DHRSX: variants seen among roughly 807,000 people sequenced by gnomAD.
DHRSX encodes polyprenol dehydrogenase.
In DHRSX, 31 loss-of-function variants were observed where a neutral mutation model predicts 34.0. The observed-to-expected ratio is 0.91, with a 90% confidence interval of 0.69 to 1.23. The LOEUF is 1.23. Among genes scored for constraint, DHRSX ranks in the 50% most tolerant of loss-of-function variants. DHRSX has a pLI of 0.00. For synonymous variants in DHRSX, 201 were observed against 183.8 expected, an observed-to-expected ratio of 1.09 and a Z score of -0.76; for missense variants, 414 against 428.1, an observed-to-expected ratio of 0.97 and a Z score of 0.29.
At chrX:2,291,013 G>C (rs2041858793) in intron 4 of DHRSX, among the ~76,000 whole-genome samples, 1 of 152,180 alleles carries the variant, frequency 6.6e-6, no homozygotes, top group Non-Finnish European at 1.5e-5. Flanking sequence ...AAGGGCTCAA[G>C]GTCAAGGGTA....
At chrX:2,371,547 C>T (rs2043068359) in intron 3 of DHRSX, among the ~76,000 whole-genome samples, 2 of 83,104 alleles carry the variant, frequency 2.4e-5, no homozygotes, top group Admixed American at 2.7e-4. Flanking sequence ...GTCCGTCCTT[C>T]TGTTACCATA....
intron 2 of DHRSX, among the ~76,000 whole-genome samples, chrX:2,419,094 A>C (rs186205532): frequency 6.6e-6 from 1 of 152,298 alleles, no homozygotes; most frequent in East Asian, 1.9e-4. Flanking sequence ...GAGGGGGCGC[A>C]ATAAACTGAA....
At chrX:2,380,300 CAAAAAA>C (rs60910908) in intron 3 of DHRSX, among the ~76,000 whole-genome samples, 4 of 41,624 alleles carry the variant, frequency 9.6e-5, no homozygotes, top group Non-Finnish European at 1.8e-4. Flanking sequence ...GACTCCGTCT[CAAAAAA>C]AAAAAAAAAA....
intron 1 of DHRSX, chrX:2,489,895 G>A (rs776679539): frequency 3.8e-5 from 62 of 1,613,748 alleles, no homozygotes; most frequent in Admixed American, 8.3e-5. Context: ...ACGCCTTCAC[G>A]ATGTCCTTGC....
intron 3 of DHRSX, among the ~76,000 whole-genome samples, chrX:2,330,090 GGGGGA>G (rs2042441139): frequency 2.1e-4 from 2 of 9,564 alleles, no homozygotes; most frequent in Admixed American, 1.3e-3. Flanking sequence ...GGGGGGGGGG[GGGGGA>G]GGGAGGGAGA....
At chrX:2,237,512 T>C (rs1278286307) in intron 6 of DHRSX, among the ~76,000 whole-genome samples, 1 of 152,000 alleles carries the variant, frequency 6.6e-6, no homozygotes, top group Non-Finnish European at 1.5e-5. Flanking sequence ...TTTCTATTTT[T>C]TTTTTTTTTT....
chrX:2,224,388 C>T (rs1458968646), intron 6 of DHRSX, among the ~76,000 whole-genome samples: 1 of 152,184 alleles, frequency 6.6e-6, no homozygotes, highest in African/African-American at 2.4e-5. Context: ...TTTGAAAAAT[C>T]CTCTTATCTG....
At chrX:2,247,962 T>C (rs1449650111) in intron 5 of DHRSX, among the ~76,000 whole-genome samples, 4 of 151,224 alleles carry the variant, frequency 2.6e-5, no homozygotes, top group Non-Finnish European at 5.9e-5. Context: ...TAAATAGGAC[T>C]CTAAGTTTCC....
intron 3 of DHRSX, among the ~76,000 whole-genome samples, chrX:2,329,312 G>C (rs1371919168): frequency 6.6e-6 from 1 of 152,106 alleles, no homozygotes; most frequent in African/African-American, 2.4e-5. Context: ...ATTCAAAAGA[G>C]GTTCTACTGA....
At chrX:2,250,469 C>T (rs748656636) in intron 5 of DHRSX, among the ~76,000 whole-genome samples, 38 of 152,162 alleles carry the variant, frequency 2.5e-4, no homozygotes, top group African/African-American at 7.9e-4. Flanking sequence ...TGCTAAACAA[C>T]GGGTGGATTA....
At position 2,411,732 on chromosome X, in the gene DHRSX, G is replaced by C. The variant is rs1194275123; in HGVS notation, c.218-2919C>G. ...ACACAGCGAGACTCCATCTCAAAAA[G>C]AAAACAAAACAAAACAAAACAAAAA... is the stretch of plus-strand genomic sequence containing the variant. On this transcript the variant is annotated intron_variant, in intron 2 of 6. Transcript: ENST00000334651. Among the ~76,000 whole-genome samples, 9 of 134,150 alleles carry C rather than the reference G, an allele frequency of 6.7e-5. No individual in the cohort carries two copies. The East Asian group carries it at 9.9e-4, about 15-fold the overall frequency. The allele number at this position is 134,150 out of a possible 152,430, so 88.0% of individuals were successfully genotyped here. A position where few individuals can be genotyped will look rare whatever the true frequency, so the allele number is the denominator to read the frequency against.
intron 3 of DHRSX, among the ~76,000 whole-genome samples, chrX:2,297,844 TC>T (rs2041953202): frequency 6.6e-6 from 1 of 151,600 alleles, no homozygotes; most frequent in South Asian, 2.1e-4. Context: ...AACCTCCACT[TC>T]CCGAGTTCAA....
At chrX:2,439,351 T>C (rs1319802394) in intron 1 of DHRSX, among the ~76,000 whole-genome samples, 2 of 152,068 alleles carry the variant, frequency 1.3e-5, no homozygotes, top group Non-Finnish European at 2.9e-5. Flanking sequence ...TACATATATA[T>C]ACGCATTCAT....
At chrX:2,243,408 T>C (rs920190266) in intron 5 of DHRSX, among the ~76,000 whole-genome samples, 178 bp from the exon 6 acceptor site, 18 of 152,226 alleles carry the variant, frequency 1.2e-4, no homozygotes, top group Non-Finnish European at 1.8e-4. Flanking sequence ...ATTTTTCTAG[T>C]TCACCTTTTT....
At chrX:2,474,226 C>T (rs1327855657) in intron 1 of DHRSX, among the ~76,000 whole-genome samples, 1 of 152,002 alleles carries the variant, frequency 6.6e-6, no homozygotes, top group Non-Finnish European at 1.5e-5. Flanking sequence ...AAGGGACTGC[C>T]ACTCCGTATG....
At chrX:2,381,617 T>C (rs1186071291) in intron 3 of DHRSX, among the ~76,000 whole-genome samples, 1 of 151,716 alleles carries the variant, frequency 6.6e-6, no homozygotes, top group East Asian at 1.9e-4. Context: ...AGGGAAACTC[T>C]GCCTCAAAAA....
rs759211749 is a variant in DHRSX at position 2,356,900 on chromosome X, G to A, written c.286+51845C>T. On this transcript the variant is annotated intron_variant, in intron 3 of 6. Transcript: ENST00000334651. ...AATCACCTGTTTATGTTATTGGCAA[G>A]GGTTCCTGTAAACAGTAGGCTATTA... Among the ~76,000 whole-genome samples the A allele has an allele frequency of 2.0e-5, 3 of 152,232 alleles. No individual in the cohort carries two copies. The East Asian group carries it at 5.8e-4, about 29-fold the overall frequency.
chrX:2,313,870 A>G (rs980715131), intron 3 of DHRSX, among the ~76,000 whole-genome samples: 1 of 152,018 alleles, frequency 6.6e-6, no homozygotes, highest in Admixed American at 6.6e-5. Flanking sequence ...TCAGAAATAC[A>G]TTGGTTTGGT....
intron 3 of DHRSX, among the ~76,000 whole-genome samples, chrX:2,308,141 G>A (rs1300703426): frequency 1.3e-5 from 2 of 152,140 alleles, no homozygotes; most frequent in African/African-American, 4.8e-5. Context: ...GCTACAAAAT[G>A]AGTGTCTGCC....
Sources: gnomAD v4.1 joint callset for allele counts (sites outside exome capture counted in the v4.1 genomes callset) on GRCh38, gnomAD v4.1.1 for gene constraint, MANE v1.5 for transcripts, NCBI Gene and HGNC (gene_info 2026-07-23, HGNC 2026-07-21) for gene names.